PPP2R3A: variants seen among roughly 807,000 people sequenced by gnomAD.
The protein encoded by PPP2R3A is serine/threonine-protein phosphatase 2A regulatory subunit B'' subunit alpha.
PPP2R3A carries 80 observed loss-of-function variants against 106.9 expected under a neutral mutation model. That is an observed-to-expected ratio of 0.75 (90% CI 0.62 to 0.90). The LOEUF (loss-of-function observed/expected upper bound fraction) is 0.90. Among genes scored for constraint, PPP2R3A ranks in the 40% least tolerant of loss-of-function variants. PPP2R3A has a pLI of 0.00. For missense variants in PPP2R3A, 1,386 were observed against 1,350.4 expected (o/e 1.03, Z -0.41); for synonymous variants, 483 against 468.3 (o/e 1.03, Z -0.41).
At chr3:136,082,062 C>T (rs545154699) in intron 7 of PPP2R3A, among the ~76,000 whole-genome samples, 1 of 152,242 alleles carries the variant, frequency 6.6e-6, no homozygotes, top group South Asian at 2.1e-4. Flanking sequence ...CAGCCCTTCA[C>T]TGAGCATATT....
In PPP2R3A at chr3:136,138,695, A is replaced by ATTTTTTTT. The variant is rs747811648; in HGVS notation, c.3330-6320_3330-6313dup. On this transcript the variant is annotated intron_variant, in intron 13 of 13. Transcript: ENST00000264977. ...AGACTCCAAACTAGAGAAATATTGA[A>ATTTTTTTT]TTTTTTTTTTTTTTTTTTTTTTTTT... Among the ~76,000 whole-genome samples the ATTTTTTTT allele has an allele frequency of 3.4e-3, 172 of 50,628 alleles. 27 individuals carry two copies. Among genetic ancestry groups the ATTTTTTTT allele is most frequent in the South Asian group, 7.9e-3 (7 of 886 alleles). The allele number at this position is 50,628 out of a possible 152,430, so 33.2% of individuals were successfully genotyped here.
chr3:136,113,990 G>C (rs1346548262), intron 13 of PPP2R3A, among the ~76,000 whole-genome samples: 1 of 152,146 alleles, frequency 6.6e-6, no homozygotes, highest in Non-Finnish European at 1.5e-5. Context: ...GGCCAAATAG[G>C]AGTAGCTCCA....
At chr3:136,024,775 C>G (rs987479810) in intron 2 of PPP2R3A, among the ~76,000 whole-genome samples, 2 of 152,116 alleles carry the variant, frequency 1.3e-5, no homozygotes, top group African/African-American at 4.8e-5. Context: ...AAATCTCTTT[C>G]AGCATAGAAT....
intron 4 of PPP2R3A, among the ~76,000 whole-genome samples, chr3:136,045,631 T>C (rs1935445055): frequency 6.6e-6 from 1 of 152,158 alleles, no homozygotes. Context: ...TTCTCACTGC[T>C]ATCTGCTGGC....
At chr3:136,022,922 G>T (rs1184301456) in intron 2 of PPP2R3A, 40 of 1,457,732 alleles carry the variant, frequency 2.7e-5, no homozygotes, top group Non-Finnish European at 3.5e-5. Context: ...GTCTGTGGAG[G>T]CTGGGAGAGC....
chr3:136,039,897 C>A (rs936868427), intron 3 of PPP2R3A, among the ~76,000 whole-genome samples: 2 of 152,000 alleles, frequency 1.3e-5, no homozygotes, highest in African/African-American at 4.8e-5. Context: ...AAATCAATAC[C>A]TTTTAGGGTA....
chr3:136,087,301 C>CA (rs1357086259), intron 8 of PPP2R3A, among the ~76,000 whole-genome samples: 1 of 146,154 alleles, frequency 6.8e-6, no homozygotes, highest in Non-Finnish European at 1.5e-5. Context: ...CTCTCTCTCA[C>CA]CAACATGCTA....
intron 5 of PPP2R3A, among the ~76,000 whole-genome samples, chr3:136,052,618 C>T (rs1409371521): frequency 2.0e-5 from 3 of 152,136 alleles, no homozygotes; most frequent in Non-Finnish European, 4.4e-5. Context: ...TGATGCAGTT[C>T]TGAATTTTAT....
intron 3 of PPP2R3A, among the ~76,000 whole-genome samples, chr3:136,031,391 A>C (rs1934885816): frequency 6.6e-6 from 1 of 152,116 alleles, no homozygotes; most frequent in Non-Finnish European, 1.5e-5. Context: ...TTCATTGTAG[A>C]TTCTGGATAT....
intron 1 of PPP2R3A, among the ~76,000 whole-genome samples, chr3:135,980,004 C>T (rs939387332): frequency 5.3e-5 from 8 of 151,756 alleles, no homozygotes; most frequent in South Asian, 2.1e-4. Context: ...TAAGTACAGC[C>T]GCCATCATGG....
At chr3:136,116,286 A>C (rs1937755848) in intron 13 of PPP2R3A, among the ~76,000 whole-genome samples, 1 of 152,148 alleles carries the variant, frequency 6.6e-6, no homozygotes, top group Non-Finnish European at 1.5e-5. Context: ...CACTGCAAAA[A>C]CATACCAAAT....
chr3:136,058,560 A>G (rs144932640), intron 5 of PPP2R3A, among the ~76,000 whole-genome samples: 78 of 152,356 alleles, frequency 5.1e-4, no homozygotes, highest in African/African-American at 1.9e-3. Flanking sequence ...GGTAGCAAGA[A>G]TTAATATCAC....
intron 2 of PPP2R3A, among the ~76,000 whole-genome samples, chr3:136,011,586 C>T (rs546366925): frequency 6.6e-6 from 1 of 152,316 alleles, no homozygotes; most frequent in South Asian, 2.1e-4. Flanking sequence ...AACCAGGCTT[C>T]CCAATATGAT....
intron 1 of PPP2R3A, among the ~76,000 whole-genome samples, chr3:135,993,123 C>T (rs1298506537): frequency 6.6e-6 from 1 of 152,070 alleles, no homozygotes; most frequent in African/African-American, 2.4e-5. Context: ...ATTAAAACCT[C>T]CTACTCTTCA....
intron 13 of PPP2R3A, among the ~76,000 whole-genome samples, chr3:136,122,154 T>C (rs1424883000): frequency 1.3e-5 from 2 of 152,068 alleles, no homozygotes; most frequent in African/African-American, 4.8e-5. Flanking sequence ...CCATTCAAGA[T>C]GCATGAAAAA....
chr3:136,079,941 T>C (rs1036048676), intron 7 of PPP2R3A, among the ~76,000 whole-genome samples: 13 of 152,156 alleles, frequency 8.5e-5, no homozygotes, highest in African/African-American at 3.1e-4. Flanking sequence ...TAAACAATAC[T>C]CATAAAACAT....
chr3:136,031,238 T>G (rs1224617836), intron 3 of PPP2R3A, among the ~76,000 whole-genome samples: 1 of 152,214 alleles, frequency 6.6e-6, no homozygotes, highest in Non-Finnish European at 1.5e-5. Flanking sequence ...CATTGTGGTT[T>G]TGATTTGCAT....
chr3:136,023,174 G>A (rs1934524452), intron 2 of PPP2R3A: 1 of 1,613,292 alleles, frequency 6.2e-7, no homozygotes, highest in Non-Finnish European at 8.5e-7. Flanking sequence ...GGTTTAAGAA[G>A]CGGCTGAAGT....
At position 136,041,238 on chromosome 3, in the gene PPP2R3A, G is replaced by GTTTTTTTTTTTTTTTT. The variant is rs67116006; in HGVS notation, c.2366+287_2366+288insTTTTTTTTTTTTTTTT. 9.1e-4 allele frequency among the ~76,000 whole-genome samples: 84 copies of GTTTTTTTTTTTTTTTT among 92,746 alleles called. 1 individual carries two copies. The highest frequency in any genetic ancestry group is 3.6e-3 in the East Asian group (14 of 3,938). The allele number at this position is 92,746 out of a possible 152,430, so 60.8% of individuals were successfully genotyped here. A position where few individuals can be genotyped will look rare whatever the true frequency, so the allele number is the denominator to read the frequency against. On this transcript the variant is annotated intron_variant, in intron 4 of 13. Transcript: ENST00000264977. ...TTATTAGTTTTACTTGGTTTTTCTTGTTTTTTTTTTTGTTTTTTTTTTTGT... is the reference window on the plus strand; with the variant it reads ...TTATTAGTTTTACTTGGTTTTTCTTGTTTTTTTTTTTTTTTTTTTTTTTTTTTGTTTTTTTTTTTGT...
Sources: gnomAD v4.1 joint callset for allele counts (sites outside exome capture counted in the v4.1 genomes callset) on GRCh38, gnomAD v4.1.1 for gene constraint, MANE v1.5 for transcripts, NCBI Gene and HGNC (gene_info 2026-07-23, HGNC 2026-07-21) for gene names.